The following PLAC8L1 variants were observed in gnomAD, a reference collection of about 807,000 sequenced individuals.
The protein encoded by PLAC8L1 is PLAC8-like protein 1.
A neutral mutation model predicts 16.3 loss-of-function variants in PLAC8L1; 13 were observed. The observed-to-expected ratio is 0.80, with a 90% CI of 0.52 to 1.27. The LOEUF (loss-of-function observed/expected upper bound fraction) is 1.27, where lower values mean the gene tolerates loss of function less well. PLAC8L1 is among the 50% of genes most tolerant of loss of function. The pLI is 0.00. For missense variants in PLAC8L1, 184 were observed against 220.2 expected, an observed-to-expected ratio of 0.84 and a Z score of 1.04; for synonymous variants, 78 against 79.3, an observed-to-expected ratio of 0.98 and a Z score of 0.09.
intron 1 of PLAC8L1, among the ~76,000 whole-genome samples, chr5:146,102,040 C>CTTTTTTTTTTTTTTTTTTCTTTT (rs36011275): frequency 7.7e-6 from 1 of 130,506 alleles, no homozygotes. Context: ...TGTGTTTACC[C>CTTTTTTTTTTTTTTTTTTCTTTT]TTTTTTTTTT....
chr5:146,095,135 G>C (rs887719181), intron 2 of PLAC8L1, among the ~76,000 whole-genome samples: 2 of 152,120 alleles, frequency 1.3e-5, no homozygotes, highest in East Asian at 3.8e-4. Context: ...TTACCTTTAA[G>C]TTTTCTTCTA....
chr5:146,101,195 T>A (rs1246112707), intron 1 of PLAC8L1, among the ~76,000 whole-genome samples: 6 of 69,162 alleles, frequency 8.7e-5, no homozygotes, highest in Admixed American at 1.7e-4. Context: ...AGACCCTGTC[T>A]CAAAAAAAAA....
intron 2 of PLAC8L1, among the ~76,000 whole-genome samples, chr5:146,096,760 C>G (rs1056355451): frequency 6.6e-6 from 1 of 152,202 alleles, no homozygotes; most frequent in Non-Finnish European, 1.5e-5. Flanking sequence ...TGCATGGCTA[C>G]TCTAGCTCTC....
rs964368740 is a variant in PLAC8L1 at position 146,105,079 on chromosome 5, T to C, written c.-768A>G. Among the ~76,000 whole-genome samples the C allele has an allele frequency of 6.6e-6, 1 of 152,162 alleles. No individual in the cohort carries two copies. Among genetic ancestry groups the C allele is most frequent in the Non-Finnish European group, 1.5e-5 (1 of 68,038 alleles). Reference sequence around the variant, plus strand: ...AATCATGCCTCTGGCACATGTCTTATGGAGGTGTGGACCCTAGAAATATTA... The same window carrying C: ...AATCATGCCTCTGGCACATGTCTTACGGAGGTGTGGACCCTAGAAATATTA... On this transcript the variant is annotated 5_prime_UTR_variant, in exon 1 of 4. Coordinates refer to ENST00000311450, the MANE Select transcript of PLAC8L1 (RefSeq NM_001029869.3).
chr5:146,084,690 T>G (rs1763479363), intron 3 of PLAC8L1, 118 bp from the exon 4 acceptor site: 1 of 1,333,144 alleles, frequency 7.5e-7, no homozygotes, highest in East Asian at 2.4e-5. Flanking sequence ...TTCACCAACA[T>G]CCTTAAGCCA....
intron 2 of PLAC8L1, among the ~76,000 whole-genome samples, chr5:146,088,090 T>C: frequency 6.6e-6 from 1 of 152,202 alleles, no homozygotes; most frequent in East Asian, 1.9e-4. Context: ...ATTACAATCC[T>C]ATGAGATTTG....
chr5:146,092,972 G>A (rs1435488567), intron 2 of PLAC8L1, among the ~76,000 whole-genome samples: 1 of 151,754 alleles, frequency 6.6e-6, no homozygotes, highest in Non-Finnish European at 1.5e-5. Flanking sequence ...ATAAGCCAAA[G>A]GTACTAGACA....
chr5:146,104,260 G>C lies in PLAC8L1; in HGVS notation c.52C>G (p.Leu18Val), dbSNP rs764616684. ...FFRCPEDLSLLNIYSPLLSHM... is the reference protein window; with the variant it reads ...FFRCPEDLSLVNIYSPLLSHM... ...GACAACAGAGGTGAGTATATGTTGA[G>C]TAAGGAAAGATCCTCAGGACACCTG... The change falls in exon 1 of 4, where the codon CTC (leucine) becomes GTC (valine). Residue 18 changes from leucine (L) to valine (V), a missense_variant. By Grantham distance (32) the Leu-to-Val change is conservative. Transcript: ENST00000311450. The C allele has an allele frequency of 6.2e-6, 10 of 1,613,894 alleles. 1 individual carries two copies. The South Asian group carries it at 1.1e-4, about 18-fold the overall frequency.
intron 1 of PLAC8L1, among the ~76,000 whole-genome samples, chr5:146,103,077 G>T (rs150645539): frequency 4.2e-4 from 64 of 152,330 alleles, no homozygotes; most frequent in African/African-American, 1.4e-3. Context: ...TGATGGCCAG[G>T]CACGGTGATG....
At chr5:146,088,750 A>G (rs1463079984) in intron 2 of PLAC8L1, among the ~76,000 whole-genome samples, 1 of 151,520 alleles carries the variant, frequency 6.6e-6, no homozygotes, top group East Asian at 1.9e-4. Context: ...CCCTACATTT[A>G]AAAAGTAATC....
intron 2 of PLAC8L1, 150 bp downstream of exon 2, chr5:146,098,006 C>G: frequency 1.1e-6 from 1 of 898,536 alleles, no homozygotes; most frequent in South Asian, 2.4e-5. Flanking sequence ...TTTTTCCAGA[C>G]AAGGAGTACA....
chr5:146,086,707 T>C (rs1157944737), intron 2 of PLAC8L1, among the ~76,000 whole-genome samples: 1 of 152,176 alleles, frequency 6.6e-6, no homozygotes, highest in Non-Finnish European at 1.5e-5. Flanking sequence ...ACGGAGTTCA[T>C]GTATCCACTG....
intron 2 of PLAC8L1, among the ~76,000 whole-genome samples, chr5:146,092,865 C>G (rs1170942152): frequency 1.3e-5 from 2 of 151,966 alleles, no homozygotes; most frequent in Non-Finnish European, 2.9e-5. Context: ...AAATTAGCTC[C>G]AGATATGTTG....
At chr5:146,085,622 C>T in intron 2 of PLAC8L1, 25 bp from the exon 3 acceptor site, 3 of 1,590,934 alleles carry the variant, frequency 1.9e-6, no homozygotes, top group East Asian at 2.2e-5. Context: ...ATCCAAAAAG[C>T]CAAGGTTCTC....
chr5:146,085,942 A>C (rs1763503835), intron 2 of PLAC8L1, among the ~76,000 whole-genome samples: 1 of 151,872 alleles, frequency 6.6e-6, no homozygotes, highest in African/African-American at 2.4e-5. Context: ...TCATCTATCT[A>C]ATTTCAATAT....
At chr5:146,085,410 T>C in intron 3 of PLAC8L1, 51 bp downstream of exon 3, 1 of 1,559,420 alleles carries the variant, frequency 6.4e-7, no homozygotes, top group Non-Finnish European at 8.7e-7. Flanking sequence ...TTGGAAGGCA[T>C]CTAGGTTTTC....
Position 146,105,021 on chromosome 5 carries a change from A to C in PLAC8L1, c.-710T>G, listed in dbSNP as rs566527387. On this transcript the variant is annotated 5_prime_UTR_variant, in exon 1 of 4. Coordinates refer to ENST00000311450, the MANE Select transcript of PLAC8L1 (RefSeq NM_001029869.3). ...GCTTGCCTGGTGATGTCCTCACAAC[A>C]GCTCTGAATCCTCAAGGTCTCAGGA... Among the ~76,000 whole-genome samples, 1 of 152,320 alleles carries C rather than the reference A, an allele frequency of 6.6e-6. No homozygotes were observed. Among genetic ancestry groups the C allele is most frequent in the East Asian group, 1.9e-4 (1 of 5,192 alleles).
chr5:146,084,428 G>A lies in PLAC8L1; in HGVS notation c.*4C>T, dbSNP rs1275095316. On this transcript the variant is annotated 3_prime_UTR_variant, in exon 4 of 4. Coordinates refer to ENST00000311450, the MANE Select transcript of PLAC8L1 (RefSeq NM_001029869.3). ...GGGAGTAAGGAGGAGGAGTTATCTT[G>A]CTGTCAAACCAGGGTGTCCTTAGTC... is the stretch of plus-strand genomic sequence containing the variant. 1.9e-6 allele frequency: 3 copies of A among 1,613,666 alleles called. No individual in the cohort carries two copies. The highest frequency in any genetic ancestry group is 2.2e-5 in the East Asian group (1 of 44,864).
At chr5:146,088,297 T>C (rs1763556541) in intron 2 of PLAC8L1, among the ~76,000 whole-genome samples, 1 of 152,212 alleles carries the variant, frequency 6.6e-6, no homozygotes, top group Non-Finnish European at 1.5e-5. Context: ...CACCAACATT[T>C]GCTATTGTCA....
Sources: allele counts gnomAD v4.1 joint callset (sites outside exome capture counted in the v4.1 genomes callset), GRCh38; gene constraint gnomAD v4.1.1; transcripts MANE v1.5; gene names NCBI Gene and HGNC (gene_info 2026-07-23, HGNC 2026-07-21).